The following ANO3 variants were observed in gnomAD, a reference collection of about 807,000 sequenced individuals.
The protein encoded by ANO3 is anoctamin-3.
In ANO3, 99 loss-of-function variants were observed where a neutral mutation model predicts 144.8. The observed-to-expected ratio is 0.68, with a 90% CI of 0.58 to 0.81. The LOEUF (loss-of-function observed/expected upper bound fraction) is 0.81, where lower values mean the gene tolerates loss of function less well. ANO3 is among the 30% of genes least tolerant of loss of function. ANO3 has a pLI of 0.00. For synonymous variants in ANO3, 414 were observed against 392.6 expected, an observed-to-expected ratio of 1.05 and a Z score of -0.64; for missense variants, 905 against 1,202.2, an observed-to-expected ratio of 0.75 and a Z score of 3.66.
chr11:26,423,309 C>CT (rs142064982), intron 1 of ANO3, among the ~76,000 whole-genome samples: 19,325 of 134,882 alleles, frequency 0.14, 1,609 homozygotes, highest in South Asian at 0.29. Context: ...TACCTTTATA[C>CT]TTTTTTTTTT....
intron 1 of ANO3, among the ~76,000 whole-genome samples, chr11:26,294,236 A>C (rs1020613172): frequency 6.6e-6 from 1 of 152,102 alleles, no homozygotes; most frequent in Non-Finnish European, 1.5e-5. Flanking sequence ...CTGTCATCAT[A>C]TTTTCGACAT....
At chr11:26,280,607 T>C (rs952761848) in intron 1 of ANO3, among the ~76,000 whole-genome samples, 1 of 152,188 alleles carries the variant, frequency 6.6e-6, no homozygotes, top group Non-Finnish European at 1.5e-5. Context: ...CCCACCCAGA[T>C]TGGCGGGTGA....
intron 1 of ANO3, among the ~76,000 whole-genome samples, chr11:26,195,984 T>C (rs999913679): frequency 2.0e-5 from 3 of 152,228 alleles, no homozygotes; most frequent in East Asian, 3.8e-4. Flanking sequence ...CATTTCTTTT[T>C]TTCCATTGTT....
At chr11:26,246,482 T>TATA (rs1564932370) in intron 1 of ANO3, among the ~76,000 whole-genome samples, 18 of 134,868 alleles carry the variant, frequency 1.3e-4, no homozygotes, top group African/African-American at 3.3e-4. Flanking sequence ...ATATATATAT[T>TATA]ATGAGTATAA....
intron 1 of ANO3, among the ~76,000 whole-genome samples, chr11:26,374,001 G>A (rs922246): frequency 0.14 from 21,864 of 152,082 alleles, 1,701 homozygotes; most frequent in South Asian, 0.27. Flanking sequence ...CATATTGATA[G>A]GTAGTGCTTC....
chr11:26,391,112 T>TA (rs1034436720), intron 1 of ANO3, among the ~76,000 whole-genome samples: 27 of 151,508 alleles, frequency 1.8e-4, no homozygotes, highest in African/African-American at 5.6e-4. Flanking sequence ...ATTTACGAAT[T>TA]AAAAAAAAAT....
intron 14 of ANO3, chr11:26,572,052 G>C (rs1191940700): frequency 1.0e-6 from 1 of 984,196 alleles, no homozygotes; most frequent in Non-Finnish European, 1.2e-6. Context: ...TTCAGGCTTA[G>C]GAGGTATTTA....
At chr11:26,602,868 T>C (rs1851840422) in intron 17 of ANO3, among the ~76,000 whole-genome samples, 1 of 152,140 alleles carries the variant, frequency 6.6e-6, no homozygotes, top group South Asian at 2.1e-4. Flanking sequence ...CCCCAACCCA[T>C]GTAATTACTG....
chr11:26,288,894 C>T (rs1483461899), intron 1 of ANO3, among the ~76,000 whole-genome samples: 1 of 151,990 alleles, frequency 6.6e-6, no homozygotes, highest in Non-Finnish European at 1.5e-5. Context: ...AGTACAATAT[C>T]CAGATTTCAA....
chr11:26,303,801 ACT>A (rs1854293514), intron 1 of ANO3, among the ~76,000 whole-genome samples: 1 of 152,002 alleles, frequency 6.6e-6, no homozygotes, highest in Non-Finnish European at 1.5e-5. Context: ...CTCACTGCAA[ACT>A]CTGCCTCCCA....
chr11:26,429,800 AATAGTT>A (rs1858026450), intron 1 of ANO3, among the ~76,000 whole-genome samples: 1 of 152,234 alleles, frequency 6.6e-6, no homozygotes, highest in South Asian at 2.1e-4. Flanking sequence ...ATGAAAATGT[AATAGTT>A]ATAAATAAAT....
At chr11:26,625,293 C>A (rs1274385146) in intron 18 of ANO3, among the ~76,000 whole-genome samples, 1 of 152,078 alleles carries the variant, frequency 6.6e-6, no homozygotes, top group African/African-American at 2.4e-5. Context: ...CGTTCTATTG[C>A]CATTATTGGA....
chr11:26,355,377 C>G (rs956549908), intron 1 of ANO3, among the ~76,000 whole-genome samples: 1 of 152,016 alleles, frequency 6.6e-6, no homozygotes, highest in African/African-American at 2.4e-5. Context: ...CTGCTGCTGA[C>G]TTCCAGCAGA....
intron 1 of ANO3, among the ~76,000 whole-genome samples, chr11:26,348,544 C>T (rs1855555236): frequency 6.6e-6 from 1 of 152,136 alleles, no homozygotes; most frequent in South Asian, 2.1e-4. Context: ...CCAATAAATT[C>T]CTGTCCTTAA....
At chr11:26,593,927 A>G (rs553834533) in intron 14 of ANO3, among the ~76,000 whole-genome samples, 131 of 152,202 alleles carry the variant, frequency 8.6e-4, no homozygotes, top group African/African-American at 3.0e-3. Context: ...TACCAAGTTA[A>G]ATAGGGTTTC....
At position 26,254,312 on chromosome 11, in the gene ANO3, A is replaced by G. The variant is rs534175887; in HGVS notation, c.155-55333A>G. 5.9e-5 allele frequency among the ~76,000 whole-genome samples: 9 copies of G among 152,292 alleles called. No homozygotes were observed. In the South Asian group the frequency reaches 1.0e-3, roughly 18 times the overall value. On this transcript the variant is annotated intron_variant, in intron 1 of 27. Transcript: ENST00000672621. ...ATGTTGCTGCACTTTCTGTTTAACT[A>G]GAATGACCTCAAATCGAGAAAAGGT...
Position 26,643,300 on chromosome 11 carries a change from G to A in ANO3, c.2394G>A (p.Trp798Ter). ...RLDAYKFVTQWRRPLPARATD... is the reference protein window; with the variant it reads ...RLDAYKFVTQ The stretch of plus-strand genomic sequence containing the variant: ...ATGCATACAAATTTGTCACTCAATG[G>A]CGGAGGCCTTTGCCAGCCCGAGCAA... Residue 798 changes from tryptophan (W) to a stop codon, truncating the protein, a stop_gained, in exon 23 of 27, where the codon TGG (tryptophan) becomes TGA (stop). Transcript: ENST00000256737. LOFTEE classifies it high-confidence loss of function. 2 of 1,614,102 alleles carry A rather than the reference G, an allele frequency of 1.2e-6. No homozygotes were observed. Among genetic ancestry groups the A allele is most frequent in the Non-Finnish European group, 1.7e-6 (2 of 1,179,998 alleles).
intron 1 of ANO3, among the ~76,000 whole-genome samples, chr11:26,255,865 C>T (rs17243231): frequency 0.042 from 6,375 of 152,214 alleles, 184 homozygotes; most frequent in Non-Finnish European, 0.059. Context: ...ACAGCAGATG[C>T]TAGAGGGAAT....
At chr11:26,240,868 A>G (rs1852649150) in intron 1 of ANO3, among the ~76,000 whole-genome samples, 1 of 152,132 alleles carries the variant, frequency 6.6e-6, no homozygotes, top group Non-Finnish European at 1.5e-5. Context: ...AAATTTCTAT[A>G]ATATGTATAA....
Sources: allele counts gnomAD v4.1 joint callset (sites outside exome capture counted in the v4.1 genomes callset), GRCh38; gene constraint gnomAD v4.1.1; transcripts MANE v1.5; gene names NCBI Gene and HGNC (gene_info 2026-07-23, HGNC 2026-07-21).